Variants in PCDHGB3 observed in about 807,000 individuals in gnomAD.
PCDHGB3 encodes protocadherin gamma-B3.
In PCDHGB3, 40 loss-of-function variants were observed where a neutral mutation model predicts 59.2. The ratio of observed to expected loss-of-function variants is 0.68; its 90% CI spans 0.52 to 0.88. The LOEUF (loss-of-function observed/expected upper bound fraction) is 0.88, where lower values mean the gene tolerates loss of function less well. PCDHGB3 is among the 40% of genes least tolerant of loss of function. The pLI, the probability that PCDHGB3 is intolerant of heterozygous loss-of-function variation, is 0.00. For synonymous variants in PCDHGB3, 581 were observed against 503.6 expected, an observed-to-expected ratio of 1.15 and a Z score of -2.06; for missense variants, 1,309 against 1,187.9, an observed-to-expected ratio of 1.10 and a Z score of -1.50.
chr5:141,438,619 TATATATATATATATATACAC>T (rs1310378007), intron 1 of PCDHGB3, among the ~76,000 whole-genome samples: 16 of 39,678 alleles, frequency 4.0e-4, no homozygotes, highest in African/African-American at 1.2e-3. Flanking sequence ...TATATATATA[TATATATATATATATATACAC>T]ACACACACAC....
At chr5:141,385,227 A>G (rs781548290) in intron 1 of PCDHGB3, 1 of 1,614,220 alleles carries the variant, frequency 6.2e-7, no homozygotes, top group South Asian at 1.1e-5. Context: ...CCAACTATGT[A>G]GACATGCTCA....
chr5:141,390,464 T>C (rs2092153361), intron 1 of PCDHGB3: 3 of 718,912 alleles, frequency 4.2e-6, no homozygotes, highest in Admixed American at 3.0e-5. Flanking sequence ...GTAGGAGCAA[T>C]TGTGTGGCCC....
intron 1 of PCDHGB3, chr5:141,389,929 T>A: frequency 6.2e-7 from 1 of 1,614,012 alleles, no homozygotes; most frequent in Non-Finnish European, 8.5e-7. Context: ...CCCTCTGACC[T>A]CCAGGCTGAG....
At chr5:141,389,240 G>A (rs903029281) in intron 1 of PCDHGB3, 4 of 1,613,902 alleles carry the variant, frequency 2.5e-6, no homozygotes, top group African/African-American at 1.3e-5. Context: ...TTTTCTCACA[G>A]TCTTCCTATA....
chr5:141,499,404 T>G (rs1468724077), intron 2 of PCDHGB3, among the ~76,000 whole-genome samples: 3 of 152,178 alleles, frequency 2.0e-5, no homozygotes, highest in African/African-American at 7.2e-5. Context: ...ACATGCTCAT[T>G]ATAGAAACAT....
chr5:141,467,055 CTTT>C (rs1193465269), intron 1 of PCDHGB3, among the ~76,000 whole-genome samples: 5 of 134,460 alleles, frequency 3.7e-5, no homozygotes, highest in Admixed American at 7.5e-5. Context: ...TCAATGTTTT[CTTT>C]TTTTTTTTTT....
chr5:141,477,572 G>T lies in PCDHGB3; in HGVS notation c.2416-17235G>T, dbSNP rs375416133. The T allele has an allele frequency of 6.2e-7, 1 of 1,614,112 alleles. No homozygotes were observed. Among genetic ancestry groups the T allele is most frequent in the South Asian group, 1.1e-5 (1 of 91,072 alleles). ...AAACCTAAGTGTCTGGGACCCCGAC[G>T]CCCCGCAGAATGCTCGGCTTTCTTT... On this transcript the variant is annotated intron_variant, in intron 1 of 3. Transcript: ENST00000576222. The surrounding 1 kb of genome is among the most constrained non-coding windows in gnomAD (Gnocchi z 4.9).
intron 1 of PCDHGB3, chr5:141,413,247 C>T (rs1168509242): frequency 1.2e-6 from 2 of 1,613,822 alleles, no homozygotes; most frequent in African/African-American, 2.7e-5. Flanking sequence ...GCCTTTTCTT[C>T]GGGATTCCAT....
intron 1 of PCDHGB3, among the ~76,000 whole-genome samples, chr5:141,482,488 G>C (rs1401943298): frequency 7.7e-6 from 1 of 130,410 alleles, no homozygotes; most frequent in African/African-American, 3.1e-5. Context: ...ACAATTAAAA[G>C]TTATCATTCT....
Position 141,371,293 on chromosome 5 carries a change from A to T in PCDHGB3, c.899A>T (p.Glu300Val), listed in dbSNP as rs748951789. The stretch of plus-strand genomic sequence containing the variant: ...TTCAAGCTGGACAGTAAAACGGGGG[A>T]ACTCACCACTATTGGAGAACTGGAC... ...QLFKLDSKTG[E>V]LTTIGELDFE... The change falls in exon 1 of 4, where the codon GAA (glutamate) becomes GTA (valine). Residue 300 changes from glutamate (E) to valine (V), a missense_variant. Physicochemically the swap from Glu to Val is moderately radical, Grantham distance 121. Coordinates refer to ENST00000576222, the MANE Select transcript of PCDHGB3 (RefSeq NM_018924.5). 2 of 1,614,006 alleles carry T rather than the reference A, an allele frequency of 1.2e-6. No homozygotes were observed. The highest frequency in any genetic ancestry group is 1.7e-6 in the Non-Finnish European group (2 of 1,179,886).
intron 1 of PCDHGB3, chr5:141,377,304 A>G (rs1051630740): frequency 2.6e-5 from 4 of 152,154 alleles, no homozygotes; most frequent in African/African-American, 9.7e-5. Context: ...GGTCAGTGTT[A>G]AAGATCAAGA....
intron 1 of PCDHGB3, among the ~76,000 whole-genome samples, chr5:141,438,872 G>T (rs13178044): frequency 0.11 from 16,734 of 151,118 alleles, 1,094 homozygotes; most frequent in African/African-American, 0.17. Flanking sequence ...CATCAAGTTG[G>T]CCAGGCTGCT....
chr5:141,388,355 C>T (rs1204433407), intron 1 of PCDHGB3: 6 of 1,613,954 alleles, frequency 3.7e-6, no homozygotes, highest in Non-Finnish European at 5.1e-6. Flanking sequence ...TAGGATCTGC[C>T]CATGATGCGG....
intron 1 of PCDHGB3, among the ~76,000 whole-genome samples, chr5:141,435,760 T>TTGGTGAATTC (rs2097778609): frequency 1.3e-5 from 2 of 152,172 alleles, no homozygotes; most frequent in African/African-American, 4.8e-5. Context: ...TTGATTTCTT[T>TTGGTGAATTC]TGGTGAATTC....
intron 1 of PCDHGB3, chr5:141,428,021 C>T: frequency 1.2e-6 from 2 of 1,605,604 alleles, no homozygotes; most frequent in Non-Finnish European, 1.7e-6. Context: ...TGCCACGCGC[C>T]GCAGAGTCCG....
chr5:141,393,453 G>T lies in PCDHGB3; in HGVS notation c.2415+20644G>T, dbSNP rs373805221. On this transcript the variant is annotated intron_variant, in intron 1 of 3. Transcript: ENST00000576222. ...GGCTGCTCACCACCTGGTCCTCACG[G>T]CCTCGGATGGCGGCAAGCCGCCTCG... 6.6e-5 allele frequency: 107 copies of T among 1,614,038 alleles called. 2 individuals carry two copies. In the South Asian group the frequency reaches 1.0e-3, roughly 15 times the overall value.
At chr5:141,392,987 G>T in intron 1 of PCDHGB3, 1 of 1,613,930 alleles carries the variant, frequency 6.2e-7, no homozygotes. Context: ...ACCCCCGGAA[G>T]CTGGCGAAGC....
intron 1 of PCDHGB3, among the ~76,000 whole-genome samples, chr5:141,443,369 C>T (rs1403494558): frequency 6.6e-6 from 1 of 151,848 alleles, no homozygotes; most frequent in African/African-American, 2.4e-5. Context: ...CCTGTGGTCT[C>T]AGCTACTTGG....
At chr5:141,446,061 AG>A (rs903957950) in intron 1 of PCDHGB3, among the ~76,000 whole-genome samples, 3 of 152,226 alleles carry the variant, frequency 2.0e-5, no homozygotes, top group African/African-American at 7.2e-5. Context: ...CTTGGATTAA[AG>A]GGGAGGCAGT....
Sources: gnomAD v4.1 joint callset for allele counts (sites outside exome capture counted in the v4.1 genomes callset) on GRCh38, gnomAD v4.1.1 for gene constraint, Gnocchi (gnomAD v3.1) non-coding constraint, MANE v1.5 for transcripts, NCBI Gene and HGNC (gene_info 2026-07-23, HGNC 2026-07-21) for gene names.